HMCN2: variants seen among roughly 807,000 people sequenced by gnomAD.
The protein encoded by HMCN2 is hemicentin 2, also known as hemicentin-2.
In HMCN2, 325 loss-of-function variants were observed where a neutral mutation model predicts 377.5. That is an observed-to-expected ratio of 0.86 (90% confidence interval 0.79 to 0.94). The LOEUF (loss-of-function observed/expected upper bound fraction) is 0.94. HMCN2 is among the 40% of genes least tolerant of loss of function. The pLI, the probability that HMCN2 is intolerant of heterozygous loss-of-function variation, is 0.00. For missense variants in HMCN2, 4,543 were observed against 4,725.3 expected, an observed-to-expected ratio of 0.96 and a Z score of 1.13; for synonymous variants, 2,007 against 2,046.8, an observed-to-expected ratio of 0.98 and a Z score of 0.53.
chr9:130,359,516 G>T, intron 37 of HMCN2, 102 bp downstream of exon 37: 2 of 451,572 alleles, frequency 4.4e-6, no homozygotes, highest in Non-Finnish European at 8.0e-6. Context: ...ATAATGGGGA[G>T]AAATCATCAG....
chr9:130,401,384 A>T (rs1231189735), intron 77 of HMCN2, among the ~76,000 whole-genome samples: 3 of 151,986 alleles, frequency 2.0e-5, no homozygotes, highest in African/African-American at 7.3e-5. Flanking sequence ...AGTGCAATGG[A>T]GCTATCTCCG....
At chr9:130,381,870 C>G (rs10751507) in intron 54 of HMCN2, among the ~76,000 whole-genome samples, 113,400 of 152,000 alleles carry the variant, frequency 0.75, 44,009 homozygotes, top group East Asian at 0.87. Context: ...CTGCTGTCAC[C>G]CCCAGCACTG....
At chr9:130,390,089 G>T (rs1842227824) in intron 62 of HMCN2, among the ~76,000 whole-genome samples, 1 of 152,200 alleles carries the variant, frequency 6.6e-6, no homozygotes, top group African/African-American at 2.4e-5. Flanking sequence ...CGCGGGTCAG[G>T]TGGCTGCAGG....
intron 95 of HMCN2, chr9:130,431,108 C>T (rs1482889183): frequency 2.2e-5 from 12 of 557,654 alleles, no homozygotes; most frequent in Admixed American, 6.4e-5. Flanking sequence ...CCCGCCTGGA[C>T]GGAGGGGTCT....
intron 45 of HMCN2, among the ~76,000 whole-genome samples, chr9:130,370,526 TGGGTAGAGAGTGGCTTCCTTCAGGAACA>T (rs1840961349): frequency 6.6e-6 from 1 of 152,170 alleles, no homozygotes; most frequent in Non-Finnish European, 1.5e-5. Flanking sequence ...CCCACCCCCC[TGGGTAGAGAGTGGCTTCCTTCAGGAACA>T]GGTTCCTTCA....
chr9:130,349,727 G>A (rs1264389564), intron 29 of HMCN2, 64 bp downstream of exon 29: 1 of 1,269,096 alleles, frequency 7.9e-7, no homozygotes, highest in South Asian at 1.3e-5. Flanking sequence ...CTGGATGTGG[G>A]GGTTGGGGAA....
At chr9:130,383,251 C>T (rs62580985) in intron 56 of HMCN2, among the ~76,000 whole-genome samples, 3,855 of 127,450 alleles carry the variant, frequency 0.03, 74 homozygotes, top group Admixed American at 0.056. Flanking sequence ...ACACACAGCA[C>T]GGCCCTCCAC....
intron 80 of HMCN2, 30 bp downstream of exon 80, chr9:130,403,905 C>T (rs2131725936): frequency 1.6e-6 from 2 of 1,280,062 alleles, no homozygotes; most frequent in Middle Eastern, 2.2e-4. Flanking sequence ...CGAGGTGGGC[C>T]CTGGCAACTG....
intron 11 of HMCN2, 48 bp from the exon 12 acceptor site, chr9:130,306,081 G>A (rs1036099364): frequency 2.4e-5 from 11 of 465,284 alleles, no homozygotes; most frequent in Middle Eastern, 3.3e-4. Flanking sequence ...GGGATGGCAC[G>A]GCTGCTCTGA....
chr9:130,402,771 C>G lies in HMCN2; in HGVS notation c.11771-18C>G, dbSNP rs895726682. On this transcript the variant is annotated intron_variant, in intron 77 of 97. Transcript: ENST00000683500. ...GGGACCTCTGTCCTGATCCCCTCAC[C>G]CTGATTCCCACCAACAGGCGCCCTG... 2.3e-6 allele frequency: 3 copies of G among 1,287,382 alleles called. No individual in the cohort carries two copies. Among genetic ancestry groups the G allele is most frequent in the Non-Finnish European group, 3.0e-6 (3 of 986,752 alleles). 79.7% of individuals were successfully genotyped at this position (1,287,382 alleles called of 1,614,324 possible).
In HMCN2 at chr9:130,362,164, A is replaced by G. The variant is rs1840420761; in HGVS notation, c.6107A>G (p.Gln2036Arg). Reference protein sequence around the residue: ...PVSPAGTPGLQVFPGGRVLTL... With the variant: ...PVSPAGTPGLRVFPGGRVLTL... ...TCCCCTGCAGGGACCCCTGGCCTGC[A>G]GGTCAGTAGGGCTGGGTGGCCCCGG... Residue 2036 changes from glutamine to arginine, a missense_variant and splice_region_variant, in exon 39 of 98, where the codon CAG (glutamine) becomes CGG (arginine). Gln to Arg is a conservative substitution (Grantham distance 43, BLOSUM62 1). Around this residue, in one of 5 missense-constraint regions of HMCN2, gnomAD observed 1,032 missense variants for 1,285.1 expected, o/e 0.80. Transcript: ENST00000683500. 3.0e-6 allele frequency: 3 copies of G among 985,922 alleles called. No individual in the cohort carries two copies. The highest frequency in any genetic ancestry group is 3.6e-6 in the Non-Finnish European group (3 of 829,960). 61.1% of individuals were successfully genotyped at this position (985,922 alleles called of 1,614,324 possible). A position where few individuals can be genotyped will look rare whatever the true frequency, so the allele number is the denominator to read the frequency against.
chr9:130,410,696 C>T lies in HMCN2; in HGVS notation c.12961+44C>T, dbSNP rs140070500. On this transcript the variant is annotated intron_variant, in intron 85 of 97. Coordinates refer to ENST00000683500, the MANE Select transcript of HMCN2 (RefSeq NM_001291815.2). ...AGAGTGGGGACGTGGGAAGTGTGCTCGGGGACAGCGGTGGCGTGTGCAGCC... is the reference window on the plus strand; with the variant it reads ...AGAGTGGGGACGTGGGAAGTGTGCTTGGGGACAGCGGTGGCGTGTGCAGCC... The T allele has an allele frequency of 1.4e-4, 207 of 1,513,350 alleles. No homozygotes were observed. The African/African-American group carries it at 2.4e-3, about 18-fold the overall frequency. 93.7% of individuals were successfully genotyped at this position (1,513,350 alleles called of 1,614,324 possible).
Position 130,361,616 on chromosome 9 carries a change from G to C in HMCN2, c.5951-392G>C, listed in dbSNP as rs1422282877. ...TTCTGGCTATTTTCTGCCAAAAGGG[G>C]ACTGCCTGTAATATGGTATTTCATC... is the stretch of plus-strand genomic sequence containing the variant. On this transcript the variant is annotated intron_variant, in intron 38 of 97. Coordinates refer to ENST00000683500, the MANE Select transcript of HMCN2 (RefSeq NM_001291815.2). The surrounding 1 kb of genome is among the most constrained non-coding windows in gnomAD (Gnocchi z 4.8). Among the ~76,000 whole-genome samples, 1 of 152,192 alleles carries C rather than the reference G, an allele frequency of 6.6e-6. No homozygotes were observed. The highest frequency in any genetic ancestry group is 1.5e-5 in the Non-Finnish European group (1 of 68,038).
At chr9:130,385,524 G>A (rs1331385403) in intron 59 of HMCN2, 36 bp from the exon 60 acceptor site, 1 of 1,275,562 alleles carries the variant, frequency 7.8e-7, no homozygotes, top group Non-Finnish European at 1.0e-6. Context: ...CGCAGGGACA[G>A]CTGCAGCACC....
chr9:130,399,828 G>A (rs957756934), intron 76 of HMCN2, among the ~76,000 whole-genome samples, 196 bp downstream of exon 76: 5 of 152,216 alleles, frequency 3.3e-5, no homozygotes, highest in African/African-American at 9.6e-5. Context: ...CTGGCACACG[G>A]GAGCTCACAG....
chr9:130,376,662 A>G lies in HMCN2; in HGVS notation c.8061+4A>G. 1 of 985,774 alleles carries G rather than the reference A, an allele frequency of 1.0e-6. No individual in the cohort carries two copies. The highest frequency in any genetic ancestry group is 1.1e-4 in the East Asian group (1 of 8,806). 61.1% of individuals were successfully genotyped at this position (985,774 alleles called of 1,614,324 possible). On this transcript the variant is annotated splice_donor_region_variant and intron_variant, in intron 52 of 97. Transcript: ENST00000683500. ...CCGCTGGTACAAGGATGGACAGGTGAGTTTGGGACCCCCTGCGCAGCTTCT... is the reference window on the plus strand; with the variant it reads ...CCGCTGGTACAAGGATGGACAGGTGGGTTTGGGACCCCCTGCGCAGCTTCT...
At chr9:130,344,427 G>C (rs948676084) in intron 25 of HMCN2, among the ~76,000 whole-genome samples, 23 of 151,010 alleles carry the variant, frequency 1.5e-4, no homozygotes, top group Non-Finnish European at 2.7e-4. Flanking sequence ...TATGTGTTCT[G>C]TGTGTGTGTG....
rs1334512106 is a variant in HMCN2, at chr9:130,429,570, C to T, written c.14211C>T (p.Cys4737=). 6.4e-7 allele frequency: 1 copy of T among 1,550,476 alleles called. No individual in the cohort carries two copies. The highest frequency in any genetic ancestry group is 8.7e-7 in the Non-Finnish European group (1 of 1,146,884). Residue 4737 remains cysteine (C), a synonymous_variant, in exon 94 of 98, where the codon TGC becomes TGT. Transcript: ENST00000683500. The part of the protein sequence containing the change: ...DGAGCEDVDE[C]LEGLDDCHYN... ...CCTGCCTCCCAGATGTGGACGAATG[C>T]CTGGAGGGGTTGGACGACTGTCACT... is the stretch of plus-strand genomic sequence containing the variant.
chr9:130,292,286 G>A (rs958969155), intron 4 of HMCN2, among the ~76,000 whole-genome samples: 3 of 152,176 alleles, frequency 2.0e-5, no homozygotes, highest in South Asian at 2.1e-4. Flanking sequence ...TAATGTTCTC[G>A]CTCTGTGCGG....
Sources: gnomAD v4.1 joint callset for allele counts (sites outside exome capture counted in the v4.1 genomes callset) on GRCh38, gnomAD v4.1.1 for gene constraint, gnomAD v4.1.1 regional missense constraint, Gnocchi (gnomAD v3.1) non-coding constraint, MANE v1.5 for transcripts, NCBI Gene and HGNC (gene_info 2026-07-23, HGNC 2026-07-21) for gene names.